GNG4: variants seen among roughly 807,000 people sequenced by gnomAD.
The protein encoded by GNG4 is guanine nucleotide-binding protein G(I)/G(S)/G(O) subunit gamma-4.
Under a neutral mutation model 5.8 loss-of-function variants are expected in GNG4, and 4 were observed. The ratio of observed to expected loss-of-function variants is 0.69; its 90% CI spans 0.34 to 1.57. The LOEUF (loss-of-function observed/expected upper bound fraction) is 1.57, where lower values mean the gene tolerates loss of function less well. Among genes scored for constraint, GNG4 ranks in the 40% most tolerant of loss-of-function variants. The pLI is 0.06. For missense variants in GNG4, 96 were observed against 95.1 expected (o/e 1.01, Z -0.04); for synonymous variants, 29 against 32.9 (o/e 0.88, Z 0.41).
chr1:235,610,035 C>T (rs139785576), intron 1 of GNG4, among the ~76,000 whole-genome samples: 130 of 152,242 alleles, frequency 8.5e-4, no homozygotes, highest in African/African-American at 2.8e-3. Context: ...TCATCTAATC[C>T]TCTAACGCTA....
At chr1:235,635,790 C>T (rs1488540778) in intron 1 of GNG4, among the ~76,000 whole-genome samples, 2 of 152,160 alleles carry the variant, frequency 1.3e-5, no homozygotes, top group Non-Finnish European at 2.9e-5. Context: ...TACTTAAATT[C>T]ATCTTTATTA....
intron 3 of GNG4, among the ~76,000 whole-genome samples, chr1:235,556,477 G>A (rs1686910271): frequency 2.0e-5 from 3 of 149,148 alleles, no homozygotes; most frequent in Admixed American, 6.8e-5. Flanking sequence ...AGAATTGCTT[G>A]AACCAGGGAG....
In GNG4 at chr1:235,551,610, T is replaced by C. The variant is rs1686752727; in HGVS notation, c.*499A>G. The stretch of plus-strand genomic sequence containing the variant: ...CCAATCCTGTGGGTTGTTGTCTTTT[T>C]ACTAGGATGATGGAAATGCAGGAAA... On this transcript the variant is annotated 3_prime_UTR_variant, in exon 4 of 4. Transcript: ENST00000391854. 6.5e-6 allele frequency: 1 copy of C among 152,828 alleles called. No homozygotes were observed. The highest frequency in any genetic ancestry group is 1.5e-5 in the Non-Finnish European group (1 of 68,542). The allele number at this position is 152,828 out of a possible 1,614,324, so 9.5% of individuals were successfully genotyped here.
chr1:235,627,698 C>G (rs532467485), intron 1 of GNG4, among the ~76,000 whole-genome samples: 1 of 152,246 alleles, frequency 6.6e-6, no homozygotes, highest in African/African-American at 2.4e-5. Flanking sequence ...AATGGCCTCT[C>G]CCCAGGACAC....
chr1:235,616,749 CGT>C (rs1341752148), intron 1 of GNG4, among the ~76,000 whole-genome samples: 2 of 151,562 alleles, frequency 1.3e-5, no homozygotes, highest in East Asian at 1.9e-4. Flanking sequence ...TGTGTGCGCG[CGT>C]GTTTTGAGAT....
chr1:235,561,258 C>T (rs576941898), intron 3 of GNG4, among the ~76,000 whole-genome samples: 44 of 152,308 alleles, frequency 2.9e-4, no homozygotes, highest in Admixed American at 9.8e-4. Flanking sequence ...ATCCGCCCAC[C>T]TCGGCCTCCC....
At chr1:235,553,142 T>C (rs1312235555) in intron 3 of GNG4, among the ~76,000 whole-genome samples, 1 of 152,164 alleles carries the variant, frequency 6.6e-6, no homozygotes, top group Non-Finnish European at 1.5e-5. Context: ...TTCCATTTCT[T>C]TCCAGGCTTA....
In GNG4 at chr1:235,574,001, T is replaced by C. The variant is rs145763058; in HGVS notation, c.99+9739A>G. The stretch of plus-strand genomic sequence containing the variant: ...ATTATGGCCCCAGTTTTATAATAAA[T>C]GTAAAACAAATATAGATGGAAAAAC... On this transcript the variant is annotated intron_variant, in intron 3 of 3. Transcript: ENST00000391854. Among the ~76,000 whole-genome samples the C allele has an allele frequency of 3.2e-3, 481 of 152,300 alleles. 2 individuals carry two copies. The highest frequency in any genetic ancestry group is 5.8e-3 in the Non-Finnish European group (397 of 68,026).
intron 2 of GNG4, among the ~76,000 whole-genome samples, chr1:235,585,499 CTTCT>C (rs1687738924): frequency 6.6e-6 from 1 of 152,184 alleles, no homozygotes; most frequent in Non-Finnish European, 1.5e-5. Flanking sequence ...CTCATTTCTC[CTTCT>C]TTCTTACACA....
rs946204811 is a variant in GNG4 at position 235,548,001 on chromosome 1, G to C, written c.*4108C>G. ...GGTTGGTGAATACACTCCAAGTTGG[G>C]GGTGGAGTTGCAGCTCATTCCCATT... On this transcript the variant is annotated 3_prime_UTR_variant, in exon 4 of 4. Transcript: ENST00000391854. The C allele has an allele frequency of 6.6e-6, 1 of 152,162 alleles. No homozygotes were observed. The highest frequency in any genetic ancestry group is 2.1e-4 in the South Asian group (1 of 4,826). The allele number at this position is 152,162 out of a possible 1,614,324, so 9.4% of individuals were successfully genotyped here.
intron 1 of GNG4, among the ~76,000 whole-genome samples, chr1:235,638,485 T>C (rs77960600): frequency 0.012 from 493 of 40,076 alleles, 2 homozygotes; most frequent in East Asian, 0.035. Context: ...CTCCTGCATT[T>C]TTTTTTTTTT....
intron 2 of GNG4, among the ~76,000 whole-genome samples, chr1:235,587,560 A>G (rs1406434995): frequency 0.088 from 30 of 342 alleles, no homozygotes; most frequent in East Asian, 0.25. Context: ...GGGGTTGTGA[A>G]TGTGGGAGGG....
At chr1:235,567,850 C>T (rs760390798) in intron 3 of GNG4, among the ~76,000 whole-genome samples, 1 of 152,122 alleles carries the variant, frequency 6.6e-6, no homozygotes, top group Non-Finnish European at 1.5e-5. Flanking sequence ...TTGTCTCACC[C>T]GATCCCATTT....
intron 1 of GNG4, among the ~76,000 whole-genome samples, chr1:235,631,066 T>C (rs1043968763): frequency 6.6e-6 from 1 of 152,004 alleles, no homozygotes; most frequent in African/African-American, 2.4e-5. Context: ...ACCCAGCTAA[T>C]TTTTGTATTT....
rs958881609 is a variant in GNG4, at chr1:235,644,108, G to T, written c.-123+5554C>A. ...GTGAAACGCCAAACTCCTACTGAAA[G>T]GTTGATGGGTACAGCCTTCCAGAGA... is the stretch of plus-strand genomic sequence containing the variant. On this transcript the variant is annotated intron_variant, in intron 1 of 3. Coordinates refer to ENST00000391854, the MANE Select transcript of GNG4 (RefSeq NM_001098722.2). This position sits in a 1 kb window ranked among gnomAD's most constrained non-coding sequence, Gnocchi z 5.9. Among the ~76,000 whole-genome samples, 1 of 152,180 alleles carries T rather than the reference G, an allele frequency of 6.6e-6. No individual in the cohort carries two copies.
intron 1 of GNG4, among the ~76,000 whole-genome samples, chr1:235,643,431 G>A (rs1055684760): frequency 2.4e-4 from 36 of 152,202 alleles, no homozygotes; most frequent in African/African-American, 8.4e-4. Context: ...CTAATCCAGG[G>A]TAGGTGGGCT....
intron 1 of GNG4, among the ~76,000 whole-genome samples, chr1:235,600,100 C>CTTTTTT (rs533853180): frequency 0.056 from 2,409 of 43,126 alleles, 635 homozygotes; most frequent in East Asian, 0.067. Context: ...CGGAAGAAAG[C>CTTTTTT]TTTTTTTTTT....
rs1204702352 is a variant in GNG4, at chr1:235,649,204, C to G, written c.-123+458G>C. 2.0e-5 allele frequency among the ~76,000 whole-genome samples: 3 copies of G among 152,208 alleles called. No homozygotes were observed. Among genetic ancestry groups the G allele is most frequent in the Admixed American group, 2.0e-4 (3 of 15,288 alleles). On this transcript the variant is annotated intron_variant, in intron 1 of 3. Transcript: ENST00000391854. The surrounding 1 kb of genome is among the most constrained non-coding windows in gnomAD (Gnocchi z 5.7). ...GGGGAGCCAGGAGGGCTTCCTCAGG[C>G]ACTCGCCAGAAACATTTCCCCAAAG...
intron 3 of GNG4, among the ~76,000 whole-genome samples, 185 bp from the exon 4 acceptor site, chr1:235,552,422 G>T (rs1000466943): frequency 6.6e-6 from 1 of 152,074 alleles, no homozygotes; most frequent in African/African-American, 2.4e-5. Flanking sequence ...GGTTCGAAGC[G>T]GGCCTCCAAG....
Sources: gnomAD v4.1 joint callset for allele counts (sites outside exome capture counted in the v4.1 genomes callset) on GRCh38, gnomAD v4.1.1 for gene constraint, Gnocchi (gnomAD v3.1) non-coding constraint, MANE v1.5 for transcripts, NCBI Gene and HGNC (gene_info 2026-07-23, HGNC 2026-07-21) for gene names.